The following LSAMP variants were observed in gnomAD, a reference collection of about 807,000 sequenced individuals.
The protein encoded by LSAMP is limbic system associated membrane protein.
A neutral mutation model predicts 38.6 loss-of-function variants in LSAMP; 7 were observed. That is an observed-to-expected ratio of 0.18 (90% CI 0.10 to 0.34). The LOEUF is 0.34. Ranked by LOEUF, LSAMP falls within the 10% of genes least tolerant of loss-of-function variation. The pLI, the probability that LSAMP is intolerant of heterozygous loss-of-function variation, is 1.00. For synonymous variants in LSAMP, 154 were observed against 166.8 expected (o/e 0.92, Z 0.59); for missense variants, 313 against 420.0 (o/e 0.75, Z 2.23).
chr3:115,964,304 G>A (rs925245496), intron 3 of LSAMP, among the ~76,000 whole-genome samples: 1 of 152,072 alleles, frequency 6.6e-6, no homozygotes, highest in African/African-American at 2.4e-5. Flanking sequence ...AGTAAGCTTT[G>A]GGCATGATGA....
intron 1 of LSAMP, among the ~76,000 whole-genome samples, chr3:116,132,221 G>C (rs1709149728): frequency 7.4e-6 from 1 of 135,750 alleles, no homozygotes; most frequent in African/African-American, 2.7e-5. Flanking sequence ...TCAATAACAT[G>C]TTAACTATAG....
At chr3:116,289,969 G>A (rs536062759) in intron 1 of LSAMP, among the ~76,000 whole-genome samples, 18 of 152,178 alleles carry the variant, frequency 1.2e-4, no homozygotes, top group African/African-American at 3.6e-4. Context: ...TTTCTCTTTG[G>A]ATTTCCTCTA....
chr3:115,878,417 T>C (rs1936238624), intron 3 of LSAMP, among the ~76,000 whole-genome samples: 1 of 144,262 alleles, frequency 6.9e-6, no homozygotes, highest in African/African-American at 2.5e-5. Context: ...TATTAACCAA[T>C]AAAAGATTTA....
At chr3:116,372,717 G>A in intron 1 of LSAMP, among the ~76,000 whole-genome samples, 1 of 150,936 alleles carries the variant, frequency 6.6e-6, no homozygotes, top group East Asian at 1.9e-4. Context: ...AAAAAAAATG[G>A]GCAAAAGACT....
chr3:116,053,437 CA>C (rs1368810198), intron 2 of LSAMP, among the ~76,000 whole-genome samples: 1 of 152,098 alleles, frequency 6.6e-6, no homozygotes, highest in East Asian at 1.9e-4. Flanking sequence ...GGAATAAAAA[CA>C]ACAAGCTAAA....
chr3:116,374,194 T>C (rs2048465327), intron 1 of LSAMP, among the ~76,000 whole-genome samples: 1 of 151,920 alleles, frequency 6.6e-6, no homozygotes, highest in Admixed American at 6.6e-5. Context: ...GATTAATACC[T>C]TGCAAGACAC....
chr3:116,384,886 T>C (rs1290163658), intron 1 of LSAMP, among the ~76,000 whole-genome samples: 1 of 152,174 alleles, frequency 6.6e-6, no homozygotes, highest in African/African-American at 2.4e-5. Flanking sequence ...CAAAGCTCTA[T>C]GCTCCCTTTC....
intron 6 of LSAMP, among the ~76,000 whole-genome samples, chr3:115,823,079 A>C (rs1386354582): frequency 1.3e-5 from 2 of 152,266 alleles, no homozygotes; most frequent in African/African-American, 4.8e-5. Context: ...AATATTCTAT[A>C]GTGAATAGAA....
intron 3 of LSAMP, among the ~76,000 whole-genome samples, chr3:116,018,328 C>T (rs1940543790): frequency 6.6e-6 from 1 of 152,096 alleles, no homozygotes; most frequent in Non-Finnish European, 1.5e-5. Context: ...CCCATCTTTT[C>T]ACACCACACA....
At chr3:116,146,313 C>G (rs116437587) in intron 1 of LSAMP, among the ~76,000 whole-genome samples, 1 of 152,016 alleles carries the variant, frequency 6.6e-6, no homozygotes, top group Non-Finnish European at 1.5e-5. Flanking sequence ...TTTGAATGTC[C>G]TTGTTTCTTT....
chr3:116,131,832 CTT>C (rs746101746), intron 1 of LSAMP, among the ~76,000 whole-genome samples: 10 of 142,606 alleles, frequency 7.0e-5, no homozygotes, highest in Non-Finnish European at 7.7e-5. Context: ...TTTTCTTTTT[CTT>C]TTTTTTTTTT....
intron 3 of LSAMP, among the ~76,000 whole-genome samples, chr3:116,007,169 G>T (rs770154256): frequency 6.6e-6 from 1 of 151,978 alleles, no homozygotes; most frequent in African/African-American, 2.4e-5. Context: ...AGACAAAGCC[G>T]CAATCTTGTG....
intron 2 of LSAMP, among the ~76,000 whole-genome samples, chr3:116,036,584 G>A (rs1941050696): frequency 6.6e-6 from 1 of 152,200 alleles, no homozygotes; most frequent in Admixed American, 6.5e-5. Context: ...AAACCTGTAA[G>A]TGGCTACTTC....
intron 3 of LSAMP, among the ~76,000 whole-genome samples, chr3:115,859,126 C>T (rs187341695): frequency 2.0e-5 from 3 of 152,236 alleles, no homozygotes; most frequent in East Asian, 1.9e-4. Flanking sequence ...TTTGCTTCTC[C>T]GCTTCACATT....
At chr3:115,871,235 G>A (rs1936023942) in intron 3 of LSAMP, among the ~76,000 whole-genome samples, 1 of 152,006 alleles carries the variant, frequency 6.6e-6, no homozygotes, top group East Asian at 1.9e-4. Flanking sequence ...GCCTAGAATG[G>A]CCATGCAGTT....
At chr3:116,001,102 T>C (rs1939976696) in intron 3 of LSAMP, among the ~76,000 whole-genome samples, 1 of 152,044 alleles carries the variant, frequency 6.6e-6, no homozygotes, top group Admixed American at 6.6e-5. Flanking sequence ...TGTGCTTCAA[T>C]GGTACAATGA....
intron 1 of LSAMP, among the ~76,000 whole-genome samples, chr3:116,121,614 C>T (rs916174233): frequency 1.7e-4 from 26 of 152,134 alleles, no homozygotes; most frequent in Admixed American, 9.8e-4. Context: ...AGTACTAACT[C>T]GGTGAAGTTT....
chr3:116,406,702 C>T (rs1008315351), intron 1 of LSAMP, among the ~76,000 whole-genome samples: 13 of 152,078 alleles, frequency 8.5e-5, no homozygotes, highest in African/African-American at 3.1e-4. Context: ...GAAAGCTTAT[C>T]TCCTCCTGTT....
chr3:116,368,155 A>T (rs1174787221), intron 1 of LSAMP: 1 of 152,266 alleles, frequency 6.6e-6, no homozygotes, highest in Non-Finnish European at 1.5e-5. Context: ...TGTGCAGAGC[A>T]CCAGCAAAGG....
Sources: allele counts gnomAD v4.1 joint callset (sites outside exome capture counted in the v4.1 genomes callset), GRCh38; gene constraint gnomAD v4.1.1; transcripts MANE v1.5; gene names NCBI Gene and HGNC (gene_info 2026-07-23, HGNC 2026-07-21).